Variants in ATXN2 observed in about 807,000 individuals in gnomAD.
ATXN2 encodes the protein ataxin-2.
ATXN2 carries 37 observed loss-of-function variants against 138.6 expected under a neutral mutation model. The observed-to-expected ratio is 0.27, with a 90% confidence interval of 0.21 to 0.35. ATXN2 has a LOEUF of 0.35. ATXN2 is among the 10% of genes least tolerant of loss of function. The pLI is 1.00. For missense variants in ATXN2, 1,216 were observed against 1,480.3 expected, an observed-to-expected ratio of 0.82 and a Z score of 2.93; for synonymous variants, 549 against 543.7, an observed-to-expected ratio of 1.01 and a Z score of -0.13.
chr12:111,577,661 T>C (rs1883751050), intron 1 of ATXN2, among the ~76,000 whole-genome samples: 1 of 152,184 alleles, frequency 6.6e-6, no homozygotes, highest in Admixed American at 6.5e-5. Flanking sequence ...CCAGGCGTGA[T>C]GGCTCACACC....
Position 111,470,568 on chromosome 12 carries a change from T to C in ATXN2, c.2699A>G (p.Tyr900Cys), listed in dbSNP as rs1295562944. Residue 900 changes from tyrosine (Y) to cysteine (C), a missense_variant, in exon 19 of 25, where the codon TAT (tyrosine) becomes TGT (cysteine). This residue lies in a region of ATXN2 where 490 missense variants were observed against 653.5 expected (regional missense o/e 0.75). Transcript: ENST00000673436. ...NQPLVQHVPH[Y>C]QSQHPHVYSP... ...CCTTACCAGCCTTACCTGAGACTGA[T>C]AATGTGGCACATGCTGAACAAGGGG... 1.9e-6 allele frequency: 3 copies of C among 1,613,976 alleles called. No individual in the cohort carries two copies. The highest frequency in any genetic ancestry group is 2.2e-5 in the East Asian group (1 of 44,894).
At chr12:111,582,689 G>A (rs757694908) in intron 1 of ATXN2, among the ~76,000 whole-genome samples, 23 of 152,062 alleles carry the variant, frequency 1.5e-4, no homozygotes, top group Admixed American at 1.4e-3. Flanking sequence ...TGTTTGAGAC[G>A]GAGTCTCGCT....
At chr12:111,509,850 C>T in intron 13 of ATXN2, 41 bp downstream of exon 13, 1 of 1,420,676 alleles carries the variant, frequency 7.0e-7, no homozygotes, top group Non-Finnish European at 9.9e-7. Context: ...ATACTTCTTC[C>T]TATTCCTACA....
At chr12:111,487,189 T>C (rs1877701696) in intron 15 of ATXN2, among the ~76,000 whole-genome samples, 1 of 152,028 alleles carries the variant, frequency 6.6e-6, no homozygotes, top group Non-Finnish European at 1.5e-5. Context: ...AGCCATTCTC[T>C]TGCCTTAGCC....
At chr12:111,520,250 T>C (rs1880081719) in intron 7 of ATXN2, among the ~76,000 whole-genome samples, 174 bp from the exon 8 acceptor site, 2 of 152,248 alleles carry the variant, frequency 1.3e-5, no homozygotes, top group African/African-American at 4.8e-5. Context: ...ATCAAAATTC[T>C]AACTTTTTTT....
intron 3 of ATXN2, among the ~76,000 whole-genome samples, chr12:111,553,604 A>AATTTTTTTT (rs1882237738): frequency 7.1e-5 from 6 of 85,002 alleles, no homozygotes; most frequent in South Asian, 6.4e-4. Context: ...AAAAAAAAAA[A>AATTTTTTTT]TTTTTTTTTT....
chr12:111,550,561 A>C (rs560874670), intron 5 of ATXN2, among the ~76,000 whole-genome samples: 1 of 152,222 alleles, frequency 6.6e-6, no homozygotes, highest in Non-Finnish European at 1.5e-5. Flanking sequence ...TAACAGAGGA[A>C]TATTTCAATA....
At chr12:111,541,800 A>ATT (rs200306299) in intron 5 of ATXN2, among the ~76,000 whole-genome samples, 2 of 141,544 alleles carry the variant, frequency 1.4e-5, no homozygotes, top group South Asian at 2.2e-4. Flanking sequence ...TATTATAAAA[A>ATT]TTTTTTTTTT....
chr12:111,587,528 C>T (rs1057357074), intron 1 of ATXN2, among the ~76,000 whole-genome samples: 2 of 152,082 alleles, frequency 1.3e-5, no homozygotes, highest in African/African-American at 2.4e-5. Context: ...TGGTGGCATA[C>T]ACCTGTAGTT....
chr12:111,589,044 G>T lies in ATXN2; in HGVS notation c.251+9740C>A, dbSNP rs1884509583. On this transcript the variant is annotated intron_variant, in intron 1 of 24. Transcript: ENST00000673436. ...AAAAAACTAAACCAAACTGGTCACGGTGGCTCACACCTGTAATCCCAGCAC... is the reference window on the plus strand; with the variant it reads ...AAAAAACTAAACCAAACTGGTCACGTTGGCTCACACCTGTAATCCCAGCAC... 3.6e-5 allele frequency among the ~76,000 whole-genome samples: 5 copies of T among 139,750 alleles called. No individual in the cohort carries two copies. In the South Asian group the frequency reaches 1.2e-3, roughly 33 times the overall value. The allele number at this position is 139,750 out of a possible 152,430, so 91.7% of individuals were successfully genotyped here.
At chr12:111,535,960 A>C (rs1211073822) in intron 5 of ATXN2, among the ~76,000 whole-genome samples, 12 of 148,858 alleles carry the variant, frequency 8.1e-5, no homozygotes, top group Admixed American at 2.7e-4. Context: ...AGATCCCGCC[A>C]CTGCACTCCA....
intron 15 of ATXN2, among the ~76,000 whole-genome samples, chr12:111,487,395 A>C (rs1877715217): frequency 6.6e-6 from 1 of 151,952 alleles, no homozygotes; most frequent in Non-Finnish European, 1.5e-5. Context: ...CTTGAGCTGA[A>C]AAGACAGTAG....
chr12:111,554,195 G>C lies in ATXN2; in HGVS notation c.311C>G (p.Ala104Gly). Residue 104 changes from alanine to glycine, a missense_variant, in exon 3 of 25, where the codon GCA becomes GGA. Around this residue, in one of 4 missense-constraint regions of ATXN2, gnomAD observed 401 missense variants for 528.1 expected, o/e 0.76. Transcript: ENST00000673436. ...AAGTATATGAACCATCCTCATATTT[G>C]CATAGATTCCATCAAAAGAAATCTG... ...QSTISFDGIY[A>G]NMRMVHILTS... 1 of 1,461,786 alleles carries C rather than the reference G, an allele frequency of 6.8e-7. No homozygotes were observed. Among genetic ancestry groups the C allele is most frequent in the South Asian group, 1.4e-5 (1 of 71,878 alleles). 90.6% of individuals were successfully genotyped at this position (1,461,786 alleles called of 1,614,324 possible).
intron 1 of ATXN2, among the ~76,000 whole-genome samples, chr12:111,585,672 C>T (rs1352992133): frequency 1.3e-5 from 2 of 151,540 alleles, no homozygotes; most frequent in African/African-American, 4.8e-5. Context: ...CGGTGTGTGA[C>T]CAATATCTGT....
chr12:111,558,683 G>A (rs1006553285), intron 1 of ATXN2, among the ~76,000 whole-genome samples: 8 of 152,084 alleles, frequency 5.3e-5, no homozygotes, highest in African/African-American at 1.7e-4. Flanking sequence ...TGTGGTCCCC[G>A]CTACTTGGTA....
At chr12:111,492,833 A>T (rs1421047437) in intron 14 of ATXN2, among the ~76,000 whole-genome samples, 1 of 152,188 alleles carries the variant, frequency 6.6e-6, no homozygotes, top group Non-Finnish European at 1.5e-5. Context: ...AACTAAAAAT[A>T]AAGGACACCA....
chr12:111,559,271 T>C (rs970790985), intron 1 of ATXN2, among the ~76,000 whole-genome samples: 1 of 151,506 alleles, frequency 6.6e-6, no homozygotes, highest in South Asian at 2.1e-4. Context: ...CAGATAATTT[T>C]TGTATTCTTA....
At chr12:111,573,383 A>T (rs1485104006) in intron 1 of ATXN2, among the ~76,000 whole-genome samples, 1 of 152,030 alleles carries the variant, frequency 6.6e-6, no homozygotes, top group Non-Finnish European at 1.5e-5. Context: ...TTTAGTAGAG[A>T]CGGAGTTTTG....
At chr12:111,545,405 G>A (rs1477103367) in intron 5 of ATXN2, among the ~76,000 whole-genome samples, 1 of 150,988 alleles carries the variant, frequency 6.6e-6, no homozygotes, top group African/African-American at 2.4e-5. Flanking sequence ...AGACCAGCCT[G>A]GCCAACATGG....
Sources: gnomAD v4.1 joint callset for allele counts (sites outside exome capture counted in the v4.1 genomes callset) on GRCh38, gnomAD v4.1.1 for gene constraint, gnomAD v4.1.1 regional missense constraint, MANE v1.5 for transcripts, NCBI Gene and HGNC (gene_info 2026-07-23, HGNC 2026-07-21) for gene names.